FNDC3A: variants seen among roughly 807,000 people sequenced by gnomAD.
The protein encoded by FNDC3A is fibronectin type III domain containing 3A.
FNDC3A carries 32 observed loss-of-function variants against 148.9 expected under a neutral mutation model. The observed-to-expected ratio is 0.21, with a 90% CI of 0.16 to 0.29. The LOEUF (loss-of-function observed/expected upper bound fraction) is 0.29. FNDC3A is among the 10% of genes least tolerant of loss of function. The pLI is 1.00. For missense variants in FNDC3A, 1,191 were observed against 1,452.8 expected, an observed-to-expected ratio of 0.82 and a Z score of 2.93; for synonymous variants, 472 against 473.6, an observed-to-expected ratio of 1.00 and a Z score of 0.04.
intron 3 of FNDC3A, among the ~76,000 whole-genome samples, chr13:49,079,660 C>T (rs914897616): frequency 6.6e-6 from 1 of 152,138 alleles, no homozygotes; most frequent in Admixed American, 6.5e-5. Context: ...CTTCCTACTA[C>T]AAACATCATT....
chr13:49,101,302 T>C (rs1879843049), intron 3 of FNDC3A, among the ~76,000 whole-genome samples: 1 of 152,186 alleles, frequency 6.6e-6, no homozygotes, highest in South Asian at 2.1e-4. Flanking sequence ...TCAATTAAGC[T>C]CTAAGCTGCA....
Position 49,131,265 on chromosome 13 carries a change from T to A in FNDC3A, c.381T>A (p.Thr127=). 8.1e-6 allele frequency: 13 copies of A among 1,614,054 alleles called. No homozygotes were observed. Among genetic ancestry groups the A allele is most frequent in the Non-Finnish European group, 1.1e-5 (13 of 1,179,992 alleles). The change falls in exon 5 of 26, where the codon ACT becomes ACA. Residue 127 remains threonine (T), a synonymous_variant. Coordinates refer to ENST00000492622, the MANE Select transcript of FNDC3A (RefSeq NM_001079673.2). ...TACCTGGTTTCATTCCTGTCCCAACTATGATGCCGCCTCCACCACGTCATA... is the reference window on the plus strand; with the variant it reads ...TACCTGGTTTCATTCCTGTCCCAACAATGATGCCGCCTCCACCACGTCATA... ...PPLPGFIPVP[T]MMPPPPRHMY...
At chr13:49,016,378 A>G (rs1199269550) in intron 2 of FNDC3A, among the ~76,000 whole-genome samples, 2 of 152,058 alleles carry the variant, frequency 1.3e-5, no homozygotes, top group East Asian at 1.9e-4. Context: ...TAGATTTTCT[A>G]GTTTATTTGC....
chr13:49,113,355 G>A (rs1421540920), intron 3 of FNDC3A, among the ~76,000 whole-genome samples: 1 of 149,492 alleles, frequency 6.7e-6, no homozygotes, highest in Non-Finnish European at 1.5e-5. Context: ...CCTTTCTTTT[G>A]TATTCTCTTT....
intron 8 of FNDC3A, among the ~76,000 whole-genome samples, chr13:49,153,586 C>A (rs1224648075): frequency 6.6e-6 from 1 of 152,104 alleles, no homozygotes; most frequent in Non-Finnish European, 1.5e-5. Flanking sequence ...GACAGGAAGT[C>A]CTTGCCCATG....
chr13:49,114,575 C>G (rs905904787), intron 3 of FNDC3A, 80 bp from the exon 4 acceptor site: 11 of 920,066 alleles, frequency 1.2e-5, no homozygotes, highest in South Asian at 9.6e-5. Context: ...ATGAAGTATT[C>G]AAAATGTAAT....
chr13:49,083,132 G>A (rs566957737), intron 3 of FNDC3A, among the ~76,000 whole-genome samples: 1 of 152,268 alleles, frequency 6.6e-6, no homozygotes, highest in East Asian at 1.9e-4. Flanking sequence ...TAAGAACTCA[G>A]TATTACTTGC....
At chr13:49,023,776 AAAAC>A (rs1257664586) in intron 2 of FNDC3A, among the ~76,000 whole-genome samples, 2 of 151,990 alleles carry the variant, frequency 1.3e-5, no homozygotes, top group East Asian at 1.9e-4. Flanking sequence ...ATTCAACTAA[AAAAC>A]AAAGATGTTT....
rs561401476 is a variant in FNDC3A, at chr13:49,174,488, T to C, written c.1284T>C (p.Phe428=). 3 of 1,612,424 alleles carry C rather than the reference T, an allele frequency of 1.9e-6. No individual in the cohort carries two copies. Among genetic ancestry groups the C allele is most frequent in the Admixed American group, 1.7e-5 (1 of 59,962 alleles). Residue 428 remains phenylalanine, a synonymous_variant, in exon 12 of 26, where the codon TTT becomes TTC. Transcript: ENST00000492622. ...CQCYMGSQKQ[F]KITKLSPAMG... is the part of the protein sequence containing the mutation. Reference sequence around the variant, plus strand: ...GTTACATGGGCTCACAGAAACAATTTAAAATTACTAAACTTTCACCAGCAA... The same window carrying C: ...GTTACATGGGCTCACAGAAACAATTCAAAATTACTAAACTTTCACCAGCAA...
At chr13:49,006,448 T>C (rs542521830) in intron 2 of FNDC3A, among the ~76,000 whole-genome samples, 159 bp downstream of exon 2, 73 of 152,154 alleles carry the variant, frequency 4.8e-4, no homozygotes, top group Middle Eastern at 3.4e-3. Context: ...AATGAGACTG[T>C]TTTTGAAGTC....
intron 3 of FNDC3A, among the ~76,000 whole-genome samples, chr13:49,079,438 A>C (rs1172616949): frequency 6.6e-6 from 1 of 152,214 alleles, no homozygotes; most frequent in African/African-American, 2.4e-5. Flanking sequence ...TATGTAAAGA[A>C]AAAATTATTC....
chr13:49,023,174 T>C (rs192649783), intron 2 of FNDC3A, among the ~76,000 whole-genome samples: 21 of 152,150 alleles, frequency 1.4e-4, no homozygotes, highest in Admixed American at 1.2e-3. Context: ...GGAACAGAGT[T>C]ACAAAGAATG....
At chr13:49,169,103 A>C (rs1368027284) in intron 10 of FNDC3A, among the ~76,000 whole-genome samples, 1 of 152,302 alleles carries the variant, frequency 6.6e-6, no homozygotes, top group East Asian at 1.9e-4. Context: ...TATAATAACT[A>C]TACTCATAAA....
chr13:49,006,667 C>T (rs879719037), intron 2 of FNDC3A, among the ~76,000 whole-genome samples: 4 of 151,874 alleles, frequency 2.6e-5, no homozygotes, highest in Non-Finnish European at 5.9e-5. Context: ...TGTCTTTTCC[C>T]TCCCATTCTC....
At chr13:49,094,842 T>G (rs1034255057) in intron 3 of FNDC3A, among the ~76,000 whole-genome samples, 2 of 152,076 alleles carry the variant, frequency 1.3e-5, no homozygotes, top group Non-Finnish European at 2.9e-5. Flanking sequence ...ATTAAAAAGT[T>G]TTATTAATTA....
intron 3 of FNDC3A, among the ~76,000 whole-genome samples, chr13:49,083,556 C>A (rs1176286530): frequency 6.6e-6 from 1 of 151,942 alleles, no homozygotes; most frequent in Non-Finnish European, 1.5e-5. Flanking sequence ...ACCAGGAGAT[C>A]ATAGAAGCGT....
chr13:48,983,492 A>G (rs1951732735), intron 1 of FNDC3A, among the ~76,000 whole-genome samples: 1 of 152,218 alleles, frequency 6.6e-6, no homozygotes, highest in Non-Finnish European at 1.5e-5. Context: ...AGGAGCACAA[A>G]AACAGCCATA....
At chr13:49,053,247 G>T (rs1875982220) in intron 2 of FNDC3A, among the ~76,000 whole-genome samples, 1 of 152,168 alleles carries the variant, frequency 6.6e-6, no homozygotes, top group Non-Finnish European at 1.5e-5. Flanking sequence ...GATTCTCCCG[G>T]CTTTCTTAGT....
rs774340147 is a variant in FNDC3A at position 49,167,279 on chromosome 13, A to T, written c.1013A>T (p.Lys338Met). The T allele has an allele frequency of 6.2e-7, 1 of 1,604,970 alleles. No individual in the cohort carries two copies. Among genetic ancestry groups the T allele is most frequent in the South Asian group, 1.1e-5 (1 of 89,258 alleles). ...ACAAATATCACTTTAAATGATCTCAAGCCAGCCATGGATTACCATGCAAAG... is the reference window on the plus strand; with the variant it reads ...ACAAATATCACTTTAAATGATCTCATGCCAGCCATGGATTACCATGCAAAG... ...EETNITLNDL[K>M]PAMDYHAKVQ... Residue 338 changes from lysine (K) to methionine (M), a missense_variant, in exon 9 of 26, where the codon AAG (lysine) becomes ATG (methionine). Physicochemically the swap from Lys to Met is moderately conservative, Grantham distance 95. Transcript: ENST00000492622.
Sources: allele counts gnomAD v4.1 joint callset (sites outside exome capture counted in the v4.1 genomes callset), GRCh38; gene constraint gnomAD v4.1.1; transcripts MANE v1.5; gene names NCBI Gene and HGNC (gene_info 2026-07-23, HGNC 2026-07-21).